WDFY4: variants seen among roughly 807,000 people sequenced by gnomAD.
The protein encoded by WDFY4 is WD repeat- and FYVE domain-containing protein 4.
A neutral mutation model predicts 351.9 loss-of-function variants in WDFY4; 169 were observed. The ratio of observed to expected loss-of-function variants is 0.48; its 90% confidence interval spans 0.42 to 0.55. The LOEUF is 0.55. Ranked by LOEUF, WDFY4 falls within the 20% of genes least tolerant of loss-of-function variation. The pLI, the probability that WDFY4 is intolerant of heterozygous loss-of-function variation, is 0.00. For missense variants in WDFY4, 3,803 were observed against 3,935.6 expected (o/e 0.97, Z 0.90); for synonymous variants, 1,622 against 1,574.6 (o/e 1.03, Z -0.71).
intron 13 of WDFY4, 66 bp from the exon 14 acceptor site, chr10:48,774,392 C>G (rs1248728947): frequency 3.3e-6 from 5 of 1,512,206 alleles, no homozygotes; most frequent in Admixed American, 2.0e-5. Context: ...CAAGTTGGAG[C>G]CTATAAAAGC....
In WDFY4 at chr10:48,775,795, C is replaced by T; in HGVS notation, c.2852C>T (p.Pro951Leu). 6.4e-7 allele frequency: 1 copy of T among 1,551,668 alleles called. No homozygotes were observed. The highest frequency in any genetic ancestry group is 1.2e-5 in the South Asian group (1 of 84,046). Residue 951 changes from proline to leucine, a missense_variant, in exon 15 of 62, where the codon CCT (proline) becomes CTT (leucine). Coordinates refer to ENST00000325239, the MANE Select transcript of WDFY4 (RefSeq NM_001394531.1). ...TCATCTCACACACACAGAGGCAACC[C>T]TGGGTGCTCAGGTGAGGACAGTGGC... is the stretch of plus-strand genomic sequence containing the variant. ...LDSSHTHRGN[P>L]GCSGSQTAQG...
intron 41 of WDFY4, among the ~76,000 whole-genome samples, chr10:48,874,776 C>T (rs1336841512): frequency 3.9e-5 from 6 of 152,200 alleles, no homozygotes; most frequent in African/African-American, 1.4e-4. Flanking sequence ...CCCTGGTCCC[C>T]TCTCCAGGGT....
At chr10:48,736,196 T>A (rs2064659694) in intron 11 of WDFY4, 126 bp downstream of exon 11, 2 of 1,070,208 alleles carry the variant, frequency 1.9e-6, no homozygotes, top group Non-Finnish European at 2.8e-6. Context: ...GTACCCTGTA[T>A]TAGGTAGCGT....
chr10:48,760,490 C>A, intron 13 of WDFY4, 50 bp downstream of exon 13: 1 of 1,526,484 alleles, frequency 6.6e-7, no homozygotes, highest in Middle Eastern at 1.7e-4. Flanking sequence ...TGACTGATCT[C>A]TCAAATGCCT....
intron 12 of WDFY4, among the ~76,000 whole-genome samples, chr10:48,759,486 C>T (rs2065435700): frequency 6.6e-6 from 1 of 152,178 alleles, no homozygotes; most frequent in South Asian, 2.1e-4. Flanking sequence ...CTTGGGACTA[C>T]AGGTCCTCTG....
chr10:48,942,402 G>A lies in WDFY4; in HGVS notation c.7629+554G>A, dbSNP rs79501632. 6.4e-3 allele frequency among the ~76,000 whole-genome samples: 923 copies of A among 145,088 alleles called. 8 individuals carry two copies. The highest frequency in any genetic ancestry group is 0.021 in the African/African-American group (823 of 39,714). On this transcript the variant is annotated intron_variant, in intron 48 of 61. Coordinates refer to ENST00000325239, the MANE Select transcript of WDFY4 (RefSeq NM_001394531.1). ...TGCGTGTGTGTGTGTGTGCGCGCAC[G>A]CGCATGTGCATGTACCTGTACACTA...
intron 1 of WDFY4, among the ~76,000 whole-genome samples, chr10:48,688,125 G>C: frequency 6.6e-6 from 1 of 152,156 alleles, no homozygotes; most frequent in East Asian, 1.9e-4. Context: ...TAGCTCTGTT[G>C]TGAGTTGAGT....
chr10:48,960,371 A>G lies in WDFY4; in HGVS notation c.8223+558A>G, dbSNP rs557924557. ...TAAAACTACCATGAGATGAGATGCT[A>G]TGACATACCCACCGGAGTGGCTTAA... On this transcript the variant is annotated intron_variant, in intron 53 of 61. Coordinates refer to ENST00000325239, the MANE Select transcript of WDFY4 (RefSeq NM_001394531.1). 2.0e-3 allele frequency among the ~76,000 whole-genome samples: 311 copies of G among 152,368 alleles called. 5 individuals are homozygous for G. Among genetic ancestry groups the G allele is most frequent in the African/African-American group, 7.2e-3 (300 of 41,588 alleles).
At chr10:48,862,098 A>T (rs1432154135) in intron 39 of WDFY4, among the ~76,000 whole-genome samples, 1 of 152,174 alleles carries the variant, frequency 6.6e-6, no homozygotes, top group African/African-American at 2.4e-5. Context: ...TAGTTGTTGA[A>T]GCATTTTTAT....
At chr10:48,942,688 A>G (rs1840840743) in intron 48 of WDFY4, among the ~76,000 whole-genome samples, 1 of 152,246 alleles carries the variant, frequency 6.6e-6, no homozygotes. Flanking sequence ...CAGGTTGAGG[A>G]AAGGAGAGCC....
chr10:48,772,860 T>C (rs1205189309), intron 13 of WDFY4, among the ~76,000 whole-genome samples: 1 of 151,346 alleles, frequency 6.6e-6, no homozygotes, highest in South Asian at 2.1e-4. Context: ...TCCATGTCCC[T>C]ACAAAGGACA....
chr10:48,966,521 T>G lies in WDFY4; in HGVS notation c.8437-5T>G. 1 of 1,551,844 alleles carries G rather than the reference T, an allele frequency of 6.4e-7. No individual in the cohort carries two copies. Among genetic ancestry groups the G allele is most frequent in the Non-Finnish European group, 8.7e-7 (1 of 1,146,920 alleles). On this transcript the variant is annotated splice_polypyrimidine_tract_variant and splice_region_variant and intron_variant, in intron 54 of 61. Transcript: ENST00000325239. ...CTCATGTGTGTCTGTTCCCTGTCTCTCTAGCTCTTTACCAAACCTCACCCA... is the reference window on the plus strand; with the variant it reads ...CTCATGTGTGTCTGTTCCCTGTCTCGCTAGCTCTTTACCAAACCTCACCCA...
intron 13 of WDFY4, among the ~76,000 whole-genome samples, chr10:48,766,508 T>C (rs529952125): frequency 6.6e-6 from 1 of 152,256 alleles, no homozygotes; most frequent in South Asian, 2.1e-4. Flanking sequence ...GAGGATTGCT[T>C]GAGCCCAGGA....
At chr10:48,880,693 G>A in intron 43 of WDFY4, among the ~76,000 whole-genome samples, 1 of 152,244 alleles carries the variant, frequency 6.6e-6, no homozygotes, top group East Asian at 1.9e-4. Context: ...GGACTGGGCA[G>A]AGTGACCCTT....
rs571886547 is a variant in WDFY4 at position 48,850,723 on chromosome 10, G to A, written c.6664-16542G>A. Among the ~76,000 whole-genome samples the A allele has an allele frequency of 2.6e-5, 4 of 152,282 alleles. No individual in the cohort carries two copies. The South Asian group carries it at 6.2e-4, about 24-fold the overall frequency. The stretch of plus-strand genomic sequence containing the variant: ...TCTCTATACCTTATTCTCACTCAGC[G>A]ACACTGGCTCATGGTGCAGCCACTA... On this transcript the variant is annotated intron_variant, in intron 39 of 61. Coordinates refer to ENST00000325239, the MANE Select transcript of WDFY4 (RefSeq NM_001394531.1).
intron 11 of WDFY4, among the ~76,000 whole-genome samples, chr10:48,737,054 CT>C (rs2064693261): frequency 1.3e-5 from 2 of 152,098 alleles, no homozygotes; most frequent in South Asian, 2.1e-4. Context: ...GTTGCTGTTC[CT>C]TTTTTACATA....
At chr10:48,959,252 G>C (rs1841747008) in intron 52 of WDFY4, among the ~76,000 whole-genome samples, 1 of 152,182 alleles carries the variant, frequency 6.6e-6, no homozygotes, top group Admixed American at 6.5e-5. Flanking sequence ...GAGAGAAAAT[G>C]CATAAATTAT....
At position 48,814,054 on chromosome 10, in the gene WDFY4, T is replaced by A; in HGVS notation, c.5312T>A (p.Leu1771Gln). ...GLCTEGALLL[L>Q]EMLKATMSQP... ...TGCACAGAAGGTGCCTTGCTCCTCC[T>A]GGAAATGCTGAAGGCCACCATGAGC... The change falls in exon 31 of 62, where the codon CTG (leucine) becomes CAG (glutamine). Residue 1771 changes from leucine to glutamine, a missense_variant. Physicochemically the swap from Leu to Gln is moderately radical, Grantham distance 113. Around this residue, in one of 3 missense-constraint regions of WDFY4, gnomAD observed 3,054 missense variants for 3,148.6 expected, o/e 0.97. Transcript: ENST00000325239. 6.5e-7 allele frequency: 1 copy of A among 1,549,840 alleles called. No individual in the cohort carries two copies. Among genetic ancestry groups the A allele is most frequent in the Non-Finnish European group, 8.7e-7 (1 of 1,145,772 alleles).
chr10:48,830,650 G>C (rs2068158070), intron 37 of WDFY4, 50 bp from the exon 38 acceptor site: 1 of 1,528,504 alleles, frequency 6.5e-7, no homozygotes, highest in Non-Finnish European at 8.8e-7. Context: ...AGCCCTCTCT[G>C]GGAGGGTCAC....
Sources: gnomAD v4.1 joint callset for allele counts (sites outside exome capture counted in the v4.1 genomes callset) on GRCh38, gnomAD v4.1.1 for gene constraint, gnomAD v4.1.1 regional missense constraint, MANE v1.5 for transcripts, NCBI Gene and HGNC (gene_info 2026-07-23, HGNC 2026-07-21) for gene names.